Variants in CMC4 observed in about 807,000 individuals in gnomAD.
CMC4 encodes cx9C motif-containing protein 4.
A neutral mutation model predicts 5.1 loss-of-function variants in CMC4; 4 were observed. That is an observed-to-expected ratio of 0.78 (90% CI 0.38 to 1.78). The LOEUF (loss-of-function observed/expected upper bound fraction) is 1.78. Ranked by LOEUF, CMC4 falls within the 40% of genes most tolerant of loss-of-function variation. CMC4 has a pLI of 0.04. For missense variants in CMC4, 52 were observed against 51.3 expected (o/e 1.01, Z -0.04); for synonymous variants, 23 against 18.9 (o/e 1.22, Z -0.57).
intron 1 of CMC4, chrX:155,065,582 C>A: frequency 8.3e-7 from 1 of 1,208,032 alleles, no homozygotes; most frequent in Non-Finnish European, 1.1e-6. Context: ...TTACGAGAGT[C>A]CCAGTACAAT....
chrX:155,071,011 TGTC>T lies in CMC4; in HGVS notation c.-331_-329del, dbSNP rs1325803368. The T allele has an allele frequency of 8.9e-6, 1 of 112,823 alleles. No homozygotes were observed. The highest frequency in any genetic ancestry group is 1.9e-5 in the Non-Finnish European group (1 of 53,150). 9.3% of individuals were successfully genotyped at this position (112,823 alleles called of 1,213,427 possible). On this transcript the variant is annotated 5_prime_UTR_variant, in exon 1 of 3. Transcript: ENST00000369484. ...CTCAAGAGGCCGGCGTTCGCGGAGA[TGTC>T]GTCTTAAAGGGCTGTCCCCCAAGCG...
At chrX:155,069,720 G>T (rs782447091) in intron 1 of CMC4, among the ~76,000 whole-genome samples, 5 of 111,899 alleles carry the variant, frequency 4.5e-5, no homozygotes, top group Non-Finnish European at 9.4e-5. Flanking sequence ...TAATAATTTT[G>T]TTCTACTCCA....
chrX:155,067,890 T>C (rs1204675382), intron 1 of CMC4, among the ~76,000 whole-genome samples: 2 of 112,175 alleles, frequency 1.8e-5, no homozygotes, highest in Non-Finnish European at 3.8e-5. Flanking sequence ...TAGAGATTGA[T>C]TCTCTAGGCA....
At chrX:155,065,375 G>T in intron 1 of CMC4, 1 of 689,462 alleles carries the variant, frequency 1.5e-6, no homozygotes, top group Non-Finnish European at 2.3e-6. Context: ...GAACAAAGGA[G>T]CATATCTTCG....
intron 1 of CMC4, chrX:155,065,303 C>T: frequency 2.2e-6 from 1 of 453,076 alleles, no homozygotes; most frequent in Non-Finnish European, 3.9e-6. Flanking sequence ...CCACTCCCTC[C>T]CCCCAGGCCC....
chrX:155,066,359 G>A (rs987885076), intron 1 of CMC4, among the ~76,000 whole-genome samples: 2 of 112,110 alleles, frequency 1.8e-5, no homozygotes, highest in African/African-American at 6.5e-5. Context: ...CACACATACT[G>A]CATTCACAAG....
intron 1 of CMC4, among the ~76,000 whole-genome samples, chrX:155,068,119 T>C (rs1189678126): frequency 8.9e-6 from 1 of 112,539 alleles, no homozygotes; most frequent in African/African-American, 3.2e-5. Context: ...GTGGAAACCA[T>C]GTGTTAAGGG....
At chrX:155,065,557 T>G (rs369278374) in intron 1 of CMC4, 3 of 1,208,734 alleles carry the variant, frequency 2.5e-6, no homozygotes, top group African/African-American at 1.7e-5. Context: ...AAAGAAAAGT[T>G]TATGGAGTAC....
chrX:155,066,362 T>C (rs2073948278), intron 1 of CMC4, among the ~76,000 whole-genome samples: 1 of 112,259 alleles, frequency 8.9e-6, no homozygotes, highest in Admixed American at 9.4e-5. Flanking sequence ...ACATACTGCA[T>C]TCACAAGCAG....
chrX:155,070,058 T>C (rs782151900), intron 1 of CMC4, among the ~76,000 whole-genome samples: 2 of 112,166 alleles, frequency 1.8e-5, no homozygotes, highest in South Asian at 3.7e-4. Context: ...AAATTAATTA[T>C]AGAAAGATGT....
chrX:155,066,090 C>A, intron 1 of CMC4: 1 of 812,336 alleles, frequency 1.2e-6, no homozygotes, highest in Non-Finnish European at 1.8e-6. Flanking sequence ...ACAGGTGTGA[C>A]TTTTTGGGTT....
intron 1 of CMC4, among the ~76,000 whole-genome samples, chrX:155,068,926 C>T (rs1054780549): frequency 8.9e-6 from 1 of 112,335 alleles, no homozygotes; most frequent in Non-Finnish European, 1.9e-5. Context: ...GGAATACTGC[C>T]AGCTACAAAT....
chrX:155,062,031 G>T (rs1557291653), intron 2 of CMC4, 40 bp from the exon 3 acceptor site: 1 of 1,178,092 alleles, frequency 8.5e-7, no homozygotes, highest in African/African-American at 1.8e-5. Context: ...TGATCTCATA[G>T]GACTAAGGTA....
At chrX:155,067,442 C>T (rs974022036) in intron 1 of CMC4, among the ~76,000 whole-genome samples, 6 of 111,789 alleles carry the variant, frequency 5.4e-5, no homozygotes, top group African/African-American at 2.0e-4. Flanking sequence ...GCAGGCACTA[C>T]AACTACCACT....
intron 1 of CMC4, chrX:155,065,391 TC>T: frequency 1.2e-6 from 1 of 816,125 alleles, no homozygotes; most frequent in Non-Finnish European, 1.8e-6. Flanking sequence ...CTTCGTAGAA[TC>T]CCAGCACCTG....
At chrX:155,065,442 C>G (rs1557291931) in intron 1 of CMC4, 2 of 1,151,427 alleles carry the variant, frequency 1.7e-6, no homozygotes, top group Non-Finnish European at 2.4e-6. Flanking sequence ...TGAATAGAGC[C>G]AAAACAAAGA....
At chrX:155,067,111 A>C (rs1348234889) in intron 1 of CMC4, among the ~76,000 whole-genome samples, 1 of 111,737 alleles carries the variant, frequency 8.9e-6, no homozygotes, top group African/African-American at 3.3e-5. Flanking sequence ...AAGACCTGCT[A>C]TTCTCATTAG....
At chrX:155,066,097 G>T in intron 1 of CMC4, 1 of 728,317 alleles carries the variant, frequency 1.4e-6, no homozygotes, top group South Asian at 2.5e-5. Context: ...TGACTTTTTG[G>T]GTTTGAATGA....
chrX:155,066,012 C>A (rs1216735432), intron 1 of CMC4: 1 of 1,201,306 alleles, frequency 8.3e-7, no homozygotes, highest in Non-Finnish European at 1.1e-6. Context: ...TCCTGCCATT[C>A]TGGGCTTTGG....
Sources: allele counts gnomAD v4.1 joint callset (sites outside exome capture counted in the v4.1 genomes callset), GRCh38; gene constraint gnomAD v4.1.1; transcripts MANE v1.5; gene names NCBI Gene and HGNC (gene_info 2026-07-23, HGNC 2026-07-21).